The following ZMIZ1 variants were observed in gnomAD, a reference collection of about 807,000 sequenced individuals.
The protein encoded by ZMIZ1 is zinc finger MIZ-type containing 1.
Under a neutral mutation model 113.9 loss-of-function variants are expected in ZMIZ1, and 17 were observed. The ratio of observed to expected loss-of-function variants is 0.15; its 90% CI spans 0.10 to 0.22. ZMIZ1 has a LOEUF of 0.22. ZMIZ1 is among the 10% of genes least tolerant of loss of function. The pLI is 1.00. For missense variants in ZMIZ1, 1,059 were observed against 1,477.8 expected, an observed-to-expected ratio of 0.72 and a Z score of 4.65; for synonymous variants, 607 against 603.1, an observed-to-expected ratio of 1.01 and a Z score of -0.09.
intron 9 of ZMIZ1, chr10:79,290,607 T>C (rs749411251): frequency 1.2e-5 from 5 of 433,762 alleles, no homozygotes; most frequent in Non-Finnish European, 2.2e-5. Context: ...GGCAGTAGGC[T>C]TCATGGCCAG....
chr10:79,172,535 G>A (rs1431153015), intron 4 of ZMIZ1, among the ~76,000 whole-genome samples: 6 of 152,306 alleles, frequency 3.9e-5, no homozygotes, highest in South Asian at 4.1e-4. Context: ...TCCATTTTAT[G>A]GATGAGGAAA....
chr10:79,154,043 G>T (rs1050226959), intron 3 of ZMIZ1, among the ~76,000 whole-genome samples: 2 of 152,300 alleles, frequency 1.3e-5, no homozygotes, highest in African/African-American at 4.8e-5. Context: ...TCAGTGCCAC[G>T]ACCTTCCTGT....
At chr10:79,300,695 G>T in intron 16 of ZMIZ1, 37 bp from the exon 17 acceptor site, 1 of 1,597,084 alleles carries the variant, frequency 6.3e-7, no homozygotes, top group South Asian at 1.1e-5. Context: ...ACAGCCCCCT[G>T]GCAGAGCTGC....
chr10:79,070,150 G>GC (rs1022048272), intron 1 of ZMIZ1, among the ~76,000 whole-genome samples: 45 of 151,950 alleles, frequency 3.0e-4, no homozygotes, highest in Admixed American at 1.2e-3. Flanking sequence ...CGGGGTCGGG[G>GC]GGGGGAGGCG....
intron 3 of ZMIZ1, among the ~76,000 whole-genome samples, chr10:79,155,220 C>T (rs1490856506): frequency 6.6e-6 from 1 of 152,192 alleles, no homozygotes; most frequent in Non-Finnish European, 1.5e-5. Flanking sequence ...GAGAAGGGAG[C>T]CCCATCCCTC....
At chr10:79,163,782 T>C (rs1846208784) in intron 4 of ZMIZ1, among the ~76,000 whole-genome samples, 1 of 152,184 alleles carries the variant, frequency 6.6e-6, no homozygotes, top group Non-Finnish European at 1.5e-5. Context: ...AGTCCGCTGC[T>C]CTCTGGAGCC....
chr10:79,268,398 C>T (rs1385789171), intron 7 of ZMIZ1, among the ~76,000 whole-genome samples: 1 of 152,212 alleles, frequency 6.6e-6, no homozygotes, highest in East Asian at 1.9e-4. Flanking sequence ...TGGTTTCCTG[C>T]CCCCAGGAAT....
intron 5 of ZMIZ1, among the ~76,000 whole-genome samples, chr10:79,203,337 A>G (rs1848178948): frequency 6.6e-6 from 1 of 152,202 alleles, no homozygotes; most frequent in Non-Finnish European, 1.5e-5. Context: ...AAGGCTTGTT[A>G]CAGATTGAAC....
chr10:79,205,039 A>C (rs1250576), intron 5 of ZMIZ1, among the ~76,000 whole-genome samples: 38,621 of 152,134 alleles, frequency 0.25, 5,484 homozygotes, highest in Non-Finnish European at 0.34. Context: ...CTTGATTCAC[A>C]GATGGACTGG....
At chr10:79,249,803 C>T (rs1850434946) in intron 7 of ZMIZ1, among the ~76,000 whole-genome samples, 1 of 152,256 alleles carries the variant, frequency 6.6e-6, no homozygotes, top group Admixed American at 6.5e-5. Context: ...CTGGTGACTG[C>T]TCCTCTCCCT....
At chr10:79,126,704 C>G (rs886591127) in intron 2 of ZMIZ1, among the ~76,000 whole-genome samples, 3 of 152,232 alleles carry the variant, frequency 2.0e-5, no homozygotes, top group Non-Finnish European at 2.9e-5. Flanking sequence ...GAGTAGATCA[C>G]TGCCCCACTT....
In ZMIZ1 at chr10:79,302,965, C is replaced by T. The variant is rs192329574; in HGVS notation, c.2125+753C>T. Among the ~76,000 whole-genome samples the T allele has an allele frequency of 6.6e-5, 10 of 151,872 alleles. No individual in the cohort carries two copies. In the East Asian group the frequency reaches 2.0e-3, roughly 30 times the overall value. On this transcript the variant is annotated intron_variant, in intron 18 of 24. Transcript: ENST00000334512. ...CAAGCTCCGCCTCCTAGGTTCACGC[C>T]ATTCTCCTGCCTCAGCCTCCCGAGT...
rs866204299 is a variant in ZMIZ1 at position 79,114,514 on chromosome 10, T to C, written c.-336-4401T>C. ...GTGTGCGTGTGTGTGTGCGTGTGTG[T>C]GTGTGTGTGTGTGTGTGTGTGTGTG... is the stretch of plus-strand genomic sequence containing the variant. On this transcript the variant is annotated intron_variant, in intron 1 of 24. Transcript: ENST00000334512. Among the ~76,000 whole-genome samples the C allele has an allele frequency of 5.0e-3, 547 of 109,168 alleles. 5 individuals are homozygous for C. The highest frequency in any genetic ancestry group is 9.6e-3 in the Admixed American group (105 of 10,920). The allele number at this position is 109,168 out of a possible 152,430, so 71.6% of individuals were successfully genotyped here.
intron 1 of ZMIZ1, among the ~76,000 whole-genome samples, chr10:79,096,827 A>G (rs1367129854): frequency 1.3e-5 from 2 of 152,192 alleles, no homozygotes; most frequent in African/African-American, 2.4e-5. Context: ...ACAATCAAGG[A>G]CACCTTTATA....
intron 4 of ZMIZ1, among the ~76,000 whole-genome samples, chr10:79,172,412 A>C (rs117006219): frequency 6.6e-6 from 1 of 152,200 alleles, no homozygotes; most frequent in Non-Finnish European, 1.5e-5. Context: ...CCAGCTACAA[A>C]GCCCTTAGAT....
At chr10:79,146,080 C>T (rs59674332) in intron 3 of ZMIZ1, among the ~76,000 whole-genome samples, 2,856 of 152,262 alleles carry the variant, frequency 0.019, 67 homozygotes, top group East Asian at 0.12. Flanking sequence ...GATGCATCTG[C>T]AGTGAGTTTC....
chr10:79,311,467 T>C (rs1855157523), intron 24 of ZMIZ1, among the ~76,000 whole-genome samples: 1 of 152,104 alleles, frequency 6.6e-6, no homozygotes, highest in South Asian at 2.1e-4. Context: ...GCGGGGTCCC[T>C]TGCGCAGCAC....
chr10:79,224,764 G>A (rs1849135151), intron 7 of ZMIZ1, among the ~76,000 whole-genome samples: 2 of 152,216 alleles, frequency 1.3e-5, no homozygotes, highest in South Asian at 4.1e-4. Context: ...ACTAGATGAT[G>A]TGTGTCTGAG....
intron 1 of ZMIZ1, among the ~76,000 whole-genome samples, chr10:79,076,296 C>A (rs1056866895): frequency 6.6e-5 from 10 of 152,174 alleles, no homozygotes; most frequent in African/African-American, 2.4e-4. Flanking sequence ...GCACAGCCCC[C>A]CTTAGCCACT....
Sources: gnomAD v4.1 joint callset for allele counts (sites outside exome capture counted in the v4.1 genomes callset) on GRCh38, gnomAD v4.1.1 for gene constraint, MANE v1.5 for transcripts, NCBI Gene and HGNC (gene_info 2026-07-23, HGNC 2026-07-21) for gene names.